WDPCP: variants seen among roughly 807,000 people sequenced by gnomAD.
WDPCP encodes WD repeat containing planar cell polarity effector.
Under a neutral mutation model 93.1 loss-of-function variants are expected in WDPCP, and 71 were observed. The observed-to-expected ratio is 0.76, with a 90% CI of 0.63 to 0.93. The LOEUF (loss-of-function observed/expected upper bound fraction) is 0.93. Among genes scored for constraint, WDPCP ranks in the 40% least tolerant of loss-of-function variants. The pLI, the probability that WDPCP is intolerant of heterozygous loss-of-function variation, is 0.00. For synonymous variants in WDPCP, 315 were observed against 315.0 expected (o/e 1.00, Z 0.00); for missense variants, 844 against 887.4 (o/e 0.95, Z 0.62).
In WDPCP at chr2:63,161,357, C is replaced by A. The variant is rs563161141; in HGVS notation, c.2079-7783G>T. On this transcript the variant is annotated intron_variant, in intron 15 of 17. Transcript: ENST00000272321. The stretch of plus-strand genomic sequence containing the variant: ...TTTCCATAATTCCCTCTCTGAAAGT[C>A]TGAATTTCTTAACCTTTTTGTCACT... Among the ~76,000 whole-genome samples the A allele has an allele frequency of 2.6e-5, 4 of 152,290 alleles. No homozygotes were observed. The East Asian group carries it at 7.7e-4, about 29-fold the overall frequency.
intron 1 of WDPCP, chr2:63,571,414 T>G: frequency 2.1e-6 from 1 of 465,460 alleles, no homozygotes; most frequent in Non-Finnish European, 4.4e-6. Context: ...CAAGTTTCCA[T>G]CTGGTATCAT....
chr2:63,375,283 A>G (rs1691757033), intron 12 of WDPCP, among the ~76,000 whole-genome samples: 1 of 151,942 alleles, frequency 6.6e-6, no homozygotes, highest in African/African-American at 2.4e-5. Flanking sequence ...AGACTATTCA[A>G]TTTCATGGAG....
intron 2 of WDPCP, among the ~76,000 whole-genome samples, chr2:63,696,947 T>C (rs563323944): frequency 6.6e-6 from 1 of 152,238 alleles, no homozygotes; most frequent in Non-Finnish European, 1.5e-5. Flanking sequence ...CCCTACCTGG[T>C]ACATAGTCTG....
intron 1 of WDPCP, among the ~76,000 whole-genome samples, chr2:63,537,992 G>C (rs1173048989): frequency 1.3e-5 from 2 of 152,004 alleles, no homozygotes; most frequent in Non-Finnish European, 2.9e-5. Context: ...AGTCCCGCAT[G>C]GCAAAATCTG....
chr2:63,350,585 G>C (rs528414668), intron 12 of WDPCP, among the ~76,000 whole-genome samples: 7 of 152,030 alleles, frequency 4.6e-5, no homozygotes, highest in Non-Finnish European at 1.0e-4. Flanking sequence ...CGGGTTTAAG[G>C]CTTACACTGT....
chr2:63,443,994 T>C (rs573197045), intron 6 of WDPCP, among the ~76,000 whole-genome samples: 1 of 152,254 alleles, frequency 6.6e-6, no homozygotes, highest in East Asian at 1.9e-4. Flanking sequence ...AGAGATCTAG[T>C]ACATAATCAG....
intron 2 of WDPCP, among the ~76,000 whole-genome samples, chr2:63,740,127 A>G (rs982516935): frequency 6.6e-6 from 1 of 152,150 alleles, no homozygotes; most frequent in African/African-American, 2.4e-5. Context: ...ATGGGGCTAG[A>G]AAAAGTGCTG....
chr2:63,268,654 A>G (rs1273937415), intron 13 of WDPCP, among the ~76,000 whole-genome samples: 2 of 149,958 alleles, frequency 1.3e-5, no homozygotes, highest in Non-Finnish European at 3.0e-5. Context: ...TTTTGTTTTT[A>G]TTTTTTTTTG....
intron 17 of WDPCP, among the ~76,000 whole-genome samples, chr2:63,130,216 C>T (rs556667440): frequency 5.8e-4 from 89 of 152,180 alleles, no homozygotes; most frequent in African/African-American, 1.8e-3. Flanking sequence ...TTTTCTCCTA[C>T]GTTTTCTCCA....
intron 9 of WDPCP, among the ~76,000 whole-genome samples, chr2:63,408,267 A>C (rs1259843454): frequency 6.6e-6 from 1 of 152,168 alleles, no homozygotes; most frequent in African/African-American, 2.4e-5. Flanking sequence ...GAGTGCCCCA[A>C]CTGCGGAGTG....
intron 2 of WDPCP, among the ~76,000 whole-genome samples, chr2:63,783,783 G>T (rs1670431161): frequency 6.6e-6 from 1 of 151,966 alleles, no homozygotes; most frequent in South Asian, 2.1e-4. Flanking sequence ...GGCAGGTTTG[G>T]GTGCTGGATG....
At chr2:63,128,910 C>A (rs534812392) in intron 17 of WDPCP, among the ~76,000 whole-genome samples, 1 of 152,290 alleles carries the variant, frequency 6.6e-6, no homozygotes, top group East Asian at 1.9e-4. Context: ...TCAGGTGATC[C>A]ACCCACCTTG....
chr2:63,492,478 T>C (rs1437644387), intron 2 of WDPCP, among the ~76,000 whole-genome samples: 3 of 151,924 alleles, frequency 2.0e-5, no homozygotes, highest in African/African-American at 7.2e-5. Flanking sequence ...TATGTATCTT[T>C]TTTTTTTACC....
At chr2:63,560,371 G>A (rs1388208147) in intron 1 of WDPCP, among the ~76,000 whole-genome samples, 1 of 152,164 alleles carries the variant, frequency 6.6e-6, no homozygotes, top group Non-Finnish European at 1.5e-5. Flanking sequence ...AACCAACACA[G>A]CATTGTACTG....
chr2:63,222,153 CTATATA>C (rs1559218288), intron 14 of WDPCP, among the ~76,000 whole-genome samples: 1 of 152,162 alleles, frequency 6.6e-6, no homozygotes, highest in Non-Finnish European at 1.5e-5. Context: ...TTTCATCTCT[CTATATA>C]TATGTTTACT....
At chr2:63,252,744 C>A (rs912098899) in intron 14 of WDPCP, among the ~76,000 whole-genome samples, 1 of 151,826 alleles carries the variant, frequency 6.6e-6, no homozygotes, top group Admixed American at 6.6e-5. Flanking sequence ...TACAAAATAC[C>A]GCTGAAAGAA....
chr2:63,787,962 C>T (rs1020929309), intron 2 of WDPCP, among the ~76,000 whole-genome samples: 66 of 152,144 alleles, frequency 4.3e-4, no homozygotes, highest in African/African-American at 1.5e-3. Flanking sequence ...ATGGCTTGAA[C>T]TGGGAGGCGG....
intron 14 of WDPCP, among the ~76,000 whole-genome samples, chr2:63,185,154 T>C (rs62180323): frequency 0.16 from 25,059 of 152,234 alleles, 2,376 homozygotes; most frequent in Middle Eastern, 0.23. Flanking sequence ...TATTGGTTTT[T>C]GGATTTCTTT....
chr2:63,591,182 C>T (rs1345183108), upstream of WDPCP, among the ~76,000 whole-genome samples: 6 of 152,230 alleles, frequency 3.9e-5, no homozygotes, highest in Non-Finnish European at 8.8e-5. Context: ...CCTTGGCACA[C>T]TGCCCAGATA....
Sources: gnomAD v4.1 joint callset for allele counts (sites outside exome capture counted in the v4.1 genomes callset) on GRCh38, gnomAD v4.1.1 for gene constraint, MANE v1.5 for transcripts, NCBI Gene and HGNC (gene_info 2026-07-23, HGNC 2026-07-21) for gene names.